Variants in FER observed in about 807,000 individuals in gnomAD.
FER encodes tyrosine-protein kinase Fer.
FER carries 63 observed loss-of-function variants against 111.0 expected under a neutral mutation model. That is an observed-to-expected ratio of 0.57 (90% CI 0.46 to 0.70). FER has a LOEUF of 0.70. Ranked by LOEUF, FER falls within the 30% of genes least tolerant of loss-of-function variation. The pLI is 0.00. For synonymous variants in FER, 327 were observed against 313.9 expected, an observed-to-expected ratio of 1.04 and a Z score of -0.44; for missense variants, 914 against 954.0, an observed-to-expected ratio of 0.96 and a Z score of 0.55.
Position 109,192,857 on chromosome 5 carries a change from T to C in FER, c.*5282T>C, listed in dbSNP as rs1759474221. 6.6e-6 allele frequency: 1 copy of C among 152,152 alleles called. No homozygotes were observed. Among genetic ancestry groups the C allele is most frequent in the Admixed American group, 6.6e-5 (1 of 15,266 alleles). 9.4% of individuals were successfully genotyped at this position (152,152 alleles called of 1,614,324 possible). ...GAAGAATACAAGTAGCAATGTTCCT[T>C]GTCTTCAATAACATTTGAGGGAAAG... On this transcript the variant is annotated 3_prime_UTR_variant, in exon 20 of 20. Transcript: ENST00000281092.
In FER at chr5:109,012,555, C is replaced by T. The variant is rs1766426308; in HGVS notation, c.1657-24867C>T. ...CTTTTATTTTTAAATCAATAACATT[C>T]AGGTAATATGATTCCATAAAGCCTT... On this transcript the variant is annotated intron_variant, in intron 13 of 19. Coordinates refer to ENST00000281092, the MANE Select transcript of FER (RefSeq NM_005246.4). 2.0e-5 allele frequency among the ~76,000 whole-genome samples: 3 copies of T among 152,282 alleles called. No individual in the cohort carries two copies. In the South Asian group the frequency reaches 6.2e-4, roughly 32 times the overall value.
At chr5:108,763,104 A>G (rs1314958119) in intron 1 of FER, among the ~76,000 whole-genome samples, 3 of 152,214 alleles carry the variant, frequency 2.0e-5, no homozygotes, top group Non-Finnish European at 4.4e-5. Flanking sequence ...CTCATGGCAC[A>G]CAGATAGCAT....
At position 109,194,055 on chromosome 5, in the gene FER, T is replaced by G; in HGVS notation, c.*6480T>G. 1 of 152,096 alleles carries G rather than the reference T, an allele frequency of 6.6e-6. No individual in the cohort carries two copies. 9.4% of individuals were successfully genotyped at this position (152,096 alleles called of 1,614,324 possible). ...AAGATTTCTGTGAGTAGAGGTATCC[T>G]GGGAGGTATCCTGGGAGGCAGCCTA... On this transcript the variant is annotated 3_prime_UTR_variant, in exon 20 of 20. Transcript: ENST00000281092.
chr5:109,040,195 G>T (rs1394872872), intron 14 of FER, among the ~76,000 whole-genome samples: 2 of 152,062 alleles, frequency 1.3e-5, no homozygotes, highest in Non-Finnish European at 2.9e-5. Context: ...TAAGTCTGGA[G>T]TTGGAGAAAA....
chr5:109,101,139 T>G (rs1056162209), intron 17 of FER, among the ~76,000 whole-genome samples: 2 of 151,954 alleles, frequency 1.3e-5, no homozygotes, highest in African/African-American at 4.8e-5. Flanking sequence ...TTTTAGTTGC[T>G]TGTAGCGGGA....
intron 10 of FER, among the ~76,000 whole-genome samples, chr5:108,943,586 G>A (rs913367019): frequency 1.3e-5 from 2 of 152,046 alleles, no homozygotes; most frequent in Non-Finnish European, 2.9e-5. Context: ...AGTGCGCAGG[G>A]AATGGGGGCA....
intron 9 of FER, among the ~76,000 whole-genome samples, chr5:108,895,500 G>A (rs969331437): frequency 6.6e-6 from 1 of 152,098 alleles, no homozygotes; most frequent in Non-Finnish European, 1.5e-5. Context: ...CCAGTTTTTA[G>A]AGGCTGTCCT....
chr5:108,940,724 G>T (rs1395522357), intron 10 of FER, among the ~76,000 whole-genome samples: 2 of 152,064 alleles, frequency 1.3e-5, no homozygotes, highest in Non-Finnish European at 2.9e-5. Flanking sequence ...TTTTCACTGG[G>T]TGAAGCAGTA....
intron 16 of FER, among the ~76,000 whole-genome samples, chr5:109,100,140 A>G (rs1748049812): frequency 6.6e-6 from 1 of 151,786 alleles, no homozygotes; most frequent in African/African-American, 2.4e-5. Flanking sequence ...GTATATTATT[A>G]TGACCTGGAT....
rs1772393669 is a variant in FER at position 109,049,116 on chromosome 5, TTCTGTG to T, written c.1924+1920_1924+1925del. Among the ~76,000 whole-genome samples the T allele has an allele frequency of 2.0e-5, 3 of 152,308 alleles. No homozygotes were observed. The South Asian group carries it at 6.2e-4, about 32-fold the overall frequency. ...AGTAGTGAGATTGTTGGATCCGAGT[TTCTGTG>T]TATTTTGATTTATGTAAATGTATTA... On this transcript the variant is annotated intron_variant, in intron 16 of 19. Coordinates refer to ENST00000281092, the MANE Select transcript of FER (RefSeq NM_005246.4).
intron 13 of FER, among the ~76,000 whole-genome samples, chr5:109,028,536 C>G (rs1453439562): frequency 6.6e-6 from 1 of 152,130 alleles, no homozygotes; most frequent in Non-Finnish European, 1.5e-5. Flanking sequence ...GCTTCAGAGT[C>G]AGACATATAT....
intron 12 of FER, 127 bp from the exon 13 acceptor site, chr5:108,959,098 G>C (rs1009126772): frequency 1.0e-5 from 8 of 790,692 alleles, no homozygotes; most frequent in Admixed American, 3.0e-5. Context: ...TAGTTCAGTA[G>C]TGTTAAGTAT....
chr5:109,108,441 A>G (rs1749209855), intron 17 of FER, among the ~76,000 whole-genome samples: 1 of 152,142 alleles, frequency 6.6e-6, no homozygotes, highest in South Asian at 2.1e-4. Flanking sequence ...GATTTAGAGA[A>G]AGCCTTGTTG....
At chr5:108,826,076 CCTT>C (rs1221356677) in intron 3 of FER, among the ~76,000 whole-genome samples, 3 of 152,022 alleles carry the variant, frequency 2.0e-5, no homozygotes, top group African/African-American at 7.2e-5. Flanking sequence ...CCATATCTAG[CCTT>C]TATTATGTTG....
At chr5:108,880,520 TA>T (rs1255190093) in intron 8 of FER, among the ~76,000 whole-genome samples, 1 of 152,112 alleles carries the variant, frequency 6.6e-6, no homozygotes, top group African/African-American at 2.4e-5. Flanking sequence ...TATTTATTTA[TA>T]ATTATTTAAT....
intron 13 of FER, among the ~76,000 whole-genome samples, chr5:108,971,180 AG>A (rs1425127697): frequency 2.0e-5 from 3 of 149,042 alleles, no homozygotes; most frequent in Admixed American, 1.3e-4. Flanking sequence ...ATGTTAAAAT[AG>A]GAGTAGAAAC....
chr5:108,979,887 T>G (rs1024285720), intron 13 of FER, among the ~76,000 whole-genome samples: 2 of 152,176 alleles, frequency 1.3e-5, no homozygotes, highest in East Asian at 3.8e-4. Context: ...TCATCTGCAC[T>G]GTTTGTGAGT....
At chr5:108,999,958 A>G (rs1764508308) in intron 13 of FER, among the ~76,000 whole-genome samples, 1 of 152,132 alleles carries the variant, frequency 6.6e-6, no homozygotes, top group Admixed American at 6.5e-5. Context: ...ACAGTAGTAC[A>G]GCTGATTTGG....
At chr5:108,978,576 A>G (rs976632906) in intron 13 of FER, among the ~76,000 whole-genome samples, 8 of 152,154 alleles carry the variant, frequency 5.3e-5, no homozygotes, top group African/African-American at 1.7e-4. Context: ...TATTGAAATT[A>G]TTTTTTAAAA....
Sources: gnomAD v4.1 joint callset for allele counts (sites outside exome capture counted in the v4.1 genomes callset) on GRCh38, gnomAD v4.1.1 for gene constraint, MANE v1.5 for transcripts, NCBI Gene and HGNC (gene_info 2026-07-23, HGNC 2026-07-21) for gene names.